The following FSTL5 variants were observed in gnomAD, a reference collection of about 807,000 sequenced individuals.
FSTL5 encodes follistatin-related protein 5.
A neutral mutation model predicts 89.1 loss-of-function variants in FSTL5; 62 were observed. The ratio of observed to expected loss-of-function variants is 0.70; its 90% CI spans 0.57 to 0.86. FSTL5 has a LOEUF of 0.86. Among genes scored for constraint, FSTL5 ranks in the 40% least tolerant of loss-of-function variants. The pLI is 0.00. For synonymous variants in FSTL5, 383 were observed against 346.2 expected, an observed-to-expected ratio of 1.11 and a Z score of -1.18; for missense variants, 1,057 against 1,001.6, an observed-to-expected ratio of 1.06 and a Z score of -0.75.
intron 3 of FSTL5, among the ~76,000 whole-genome samples, chr4:161,925,242 A>G (rs1734091325): frequency 6.6e-6 from 1 of 151,906 alleles, no homozygotes; most frequent in African/African-American, 2.4e-5. Flanking sequence ...GAACAATCAT[A>G]TACTTCTTAA....
At chr4:161,409,393 TA>T (rs1472786457) in intron 15 of FSTL5, among the ~76,000 whole-genome samples, 27 of 151,738 alleles carry the variant, frequency 1.8e-4, no homozygotes, top group East Asian at 3.9e-4. Context: ...TTATTATTAT[TA>T]TTTTTTTGAG....
intron 10 of FSTL5, among the ~76,000 whole-genome samples, chr4:161,524,958 A>AG (rs1314337665): frequency 2.3e-5 from 3 of 131,794 alleles, no homozygotes; most frequent in East Asian, 4.1e-4. Context: ...ACTCCATCTC[A>AG]AAAAAAAAAA....
At chr4:161,471,938 C>G (rs985508432) in intron 13 of FSTL5, among the ~76,000 whole-genome samples, 1 of 150,418 alleles carries the variant, frequency 6.6e-6, no homozygotes, top group Non-Finnish European at 1.5e-5. Flanking sequence ...AAATCTCTTT[C>G]TCTTATCCCA....
chr4:161,591,514 C>A (rs1246904028), intron 7 of FSTL5, among the ~76,000 whole-genome samples: 1 of 147,486 alleles, frequency 6.8e-6, no homozygotes, highest in Non-Finnish European at 1.5e-5. Flanking sequence ...ATATGGAATA[C>A]TTAAATCCAA....
intron 10 of FSTL5, among the ~76,000 whole-genome samples, chr4:161,519,450 C>T (rs1050354988): frequency 2.0e-5 from 3 of 152,122 alleles, no homozygotes; most frequent in Admixed American, 6.5e-5. Flanking sequence ...GGCCTGAACC[C>T]GGGAGGTGGA....
intron 5 of FSTL5, among the ~76,000 whole-genome samples, chr4:161,765,320 T>C (rs895109797): frequency 6.6e-6 from 1 of 152,218 alleles, no homozygotes; most frequent in Non-Finnish European, 1.5e-5. Flanking sequence ...CACTCTTCTA[T>C]CCATACAAGT....
At chr4:161,513,086 A>T (rs1008951990) in intron 10 of FSTL5, among the ~76,000 whole-genome samples, 5 of 152,164 alleles carry the variant, frequency 3.3e-5, no homozygotes, top group Non-Finnish European at 7.4e-5. Context: ...GTAAAAATGC[A>T]AATATACAAA....
intron 15 of FSTL5, among the ~76,000 whole-genome samples, chr4:161,430,155 T>A (rs1732304906): frequency 1.3e-5 from 2 of 151,466 alleles, no homozygotes; most frequent in Admixed American, 1.3e-4. Flanking sequence ...GAAGAAAGAA[T>A]TAGTGAGCTT....
chr4:161,788,833 G>A (rs371333622), intron 4 of FSTL5, among the ~76,000 whole-genome samples: 86 of 152,262 alleles, frequency 5.6e-4, no homozygotes, highest in Middle Eastern at 3.4e-3. Flanking sequence ...ATAAGTTTGA[G>A]GTTACAGTGA....
intron 13 of FSTL5, among the ~76,000 whole-genome samples, chr4:161,473,382 G>A (rs1156960099): frequency 6.8e-6 from 1 of 147,650 alleles, no homozygotes; most frequent in Non-Finnish European, 1.5e-5. Context: ...TTGCTGTATT[G>A]ATTTTTTTAT....
intron 11 of FSTL5, among the ~76,000 whole-genome samples, chr4:161,510,008 T>C (rs1307679932): frequency 6.6e-6 from 1 of 152,186 alleles, no homozygotes; most frequent in Non-Finnish European, 1.5e-5. Flanking sequence ...GCCCTTCAAG[T>C]ATGTAGCTCA....
chr4:161,552,753 T>G (rs756892738), intron 8 of FSTL5, among the ~76,000 whole-genome samples: 1 of 151,774 alleles, frequency 6.6e-6, no homozygotes, highest in Admixed American at 6.6e-5. Context: ...TCACATAGAA[T>G]TGAAGGATAA....
chr4:162,046,930 G>C (rs181340424), intron 2 of FSTL5, among the ~76,000 whole-genome samples: 1 of 152,138 alleles, frequency 6.6e-6, no homozygotes, highest in Admixed American at 6.5e-5. Flanking sequence ...TATTTGGTTT[G>C]TGAATTCCCA....
chr4:162,119,329 C>T (rs981763121), intron 1 of FSTL5, among the ~76,000 whole-genome samples: 28 of 151,976 alleles, frequency 1.8e-4, no homozygotes, highest in African/African-American at 6.8e-4. Context: ...ATACTGAATA[C>T]TTCTGGAAGA....
chr4:161,780,573 C>A (rs7665339), intron 4 of FSTL5, among the ~76,000 whole-genome samples: 3 of 151,994 alleles, frequency 2.0e-5, no homozygotes. Flanking sequence ...ATGGATACAG[C>A]GTCACTAGGG....
chr4:161,868,712 C>T (rs1244772963), intron 4 of FSTL5, among the ~76,000 whole-genome samples: 2 of 152,158 alleles, frequency 1.3e-5, no homozygotes, highest in Non-Finnish European at 2.9e-5. Context: ...CATTGTAGTT[C>T]ATTAATGCTA....
At chr4:161,522,218 G>A (rs1010591384) in intron 10 of FSTL5, among the ~76,000 whole-genome samples, 2 of 152,116 alleles carry the variant, frequency 1.3e-5, no homozygotes, top group African/African-American at 4.8e-5. Context: ...AAGAGAATGG[G>A]GTCAAAGATG....
chr4:162,162,912 G>A (rs1358222694), intron 1 of FSTL5, among the ~76,000 whole-genome samples: 5 of 152,134 alleles, frequency 3.3e-5, no homozygotes, highest in African/African-American at 1.2e-4. Context: ...CCTCTAACCT[G>A]AGGGGGTTGC....
chr4:161,876,921 A>C (rs1449217211), intron 4 of FSTL5, among the ~76,000 whole-genome samples: 1 of 151,920 alleles, frequency 6.6e-6, no homozygotes, highest in Admixed American at 6.6e-5. Flanking sequence ...GCTGTGGCTC[A>C]CACCTGTAAT....
Sources: gnomAD v4.1 joint callset for allele counts (sites outside exome capture counted in the v4.1 genomes callset) on GRCh38, gnomAD v4.1.1 for gene constraint, MANE v1.5 for transcripts, NCBI Gene and HGNC (gene_info 2026-07-23, HGNC 2026-07-21) for gene names.